The following VDAC1 variants were observed in gnomAD, a reference collection of about 807,000 sequenced individuals.
VDAC1 encodes non-selective voltage-gated ion channel VDAC1.
VDAC1 carries 10 observed loss-of-function variants against 34.7 expected under a neutral mutation model. The observed-to-expected ratio is 0.29, with a 90% CI of 0.18 to 0.49. The LOEUF is 0.49. Among genes scored for constraint, VDAC1 ranks in the 20% least tolerant of loss-of-function variants. The probability of loss-of-function intolerance (pLI) is 0.99; values close to 1 mark genes in which losing one functional copy is unlikely to be tolerated. For synonymous variants in VDAC1, 130 were observed against 136.0 expected, an observed-to-expected ratio of 0.96 and a Z score of 0.30; for missense variants, 230 against 347.9, an observed-to-expected ratio of 0.66 and a Z score of 2.69.
At chr5:134,002,315 T>A (rs1401869435) in intron 1 of VDAC1, among the ~76,000 whole-genome samples, 1 of 152,042 alleles carries the variant, frequency 6.6e-6, no homozygotes, top group African/African-American at 2.4e-5. Flanking sequence ...ATAGCCCCAC[T>A]CTAGAATAGC....
chr5:134,081,577 A>G, the VDAC1 span, among the ~76,000 whole-genome samples: 1 of 152,254 alleles, frequency 6.6e-6, no homozygotes, highest in South Asian at 2.1e-4. Context: ...CTGCTATACA[A>G]AACTCATCAA....
intron 1 of VDAC1, among the ~76,000 whole-genome samples, chr5:133,999,981 G>A (rs1020651286): frequency 3.3e-5 from 5 of 152,148 alleles, no homozygotes; most frequent in Non-Finnish European, 7.3e-5. Flanking sequence ...AGACCAGCCA[G>A]TGATCACAGA....
the VDAC1 span, among the ~76,000 whole-genome samples, chr5:134,020,228 G>C: frequency 2.0e-5 from 3 of 151,928 alleles, no homozygotes. Context: ...AGCATAGTCA[G>C]AGGCAGCAAC....
At chr5:134,026,339 C>A in the VDAC1 span, among the ~76,000 whole-genome samples, 1 of 152,040 alleles carries the variant, frequency 6.6e-6, no homozygotes, top group South Asian at 2.1e-4. Flanking sequence ...CACGGTGAAA[C>A]CCTGTCTCTA....
At chr5:134,063,637 G>A in the VDAC1 span, among the ~76,000 whole-genome samples, 1 of 152,120 alleles carries the variant, frequency 6.6e-6, no homozygotes, top group Non-Finnish European at 1.5e-5. Context: ...CTGACAGCCA[G>A]CACCAACTGC....
At chr5:134,072,366 G>T in the VDAC1 span, among the ~76,000 whole-genome samples, 1 of 152,198 alleles carries the variant, frequency 6.6e-6, no homozygotes, top group Non-Finnish European at 1.5e-5. Flanking sequence ...GCTCTCAGGA[G>T]CTCCAAAGGA....
At chr5:134,037,957 G>A in the VDAC1 span, among the ~76,000 whole-genome samples, 2 of 152,140 alleles carry the variant, frequency 1.3e-5, no homozygotes, top group African/African-American at 4.8e-5. Context: ...CCATAACTCT[G>A]TAATATCATT....
the VDAC1 span, among the ~76,000 whole-genome samples, chr5:134,056,534 G>A: frequency 1.3e-5 from 2 of 151,016 alleles, no homozygotes; most frequent in African/African-American, 4.9e-5. Flanking sequence ...TCACCTCCTG[G>A]GCTCAAGTGA....
At chr5:134,060,121 T>C in the VDAC1 span, among the ~76,000 whole-genome samples, 2 of 151,976 alleles carry the variant, frequency 1.3e-5, no homozygotes, top group East Asian at 3.9e-4. Context: ...CAGACTCTAA[T>C]GAGCACATGT....
the VDAC1 span, among the ~76,000 whole-genome samples, chr5:134,071,056 C>T: frequency 2.1e-4 from 32 of 152,330 alleles, no homozygotes; most frequent in East Asian, 6.2e-3. This position sits in a 1 kb window ranked among gnomAD's most constrained non-coding sequence, Gnocchi z 4.1. Context: ...TGACGTCCCA[C>T]CCTGAGTCCC....
rs937504967 is a variant in VDAC1 at position 134,004,949 on chromosome 5, G to C, written c.-61C>G. 6.6e-6 allele frequency: 1 copy of C among 152,318 alleles called. No homozygotes were observed. The highest frequency in any genetic ancestry group is 1.5e-5 in the Non-Finnish European group (1 of 68,148). The allele number at this position is 152,318 out of a possible 1,614,324, so 9.4% of individuals were successfully genotyped here. On this transcript the variant is annotated 5_prime_UTR_variant, in exon 1 of 9. Coordinates refer to ENST00000265333, the MANE Select transcript of VDAC1 (RefSeq NM_003374.3). ...ACACAGGAGCCTGCGGGCGTGTTGC[G>C]GGCGCGCGGGAGGACCTGCGTGAGT... is the stretch of plus-strand genomic sequence containing the variant.
chr5:134,042,631 C>A, the VDAC1 span, among the ~76,000 whole-genome samples: 6 of 152,276 alleles, frequency 3.9e-5, no homozygotes, highest in South Asian at 1.2e-3. Context: ...GTAGCTGGAA[C>A]TACAGGCATG....
chr5:134,083,193 T>C, the VDAC1 span, among the ~76,000 whole-genome samples: 2 of 149,680 alleles, frequency 1.3e-5, no homozygotes, highest in Admixed American at 1.3e-4. Context: ...TTTTTTTCTT[T>C]TTTTTTTTTT....
chr5:134,003,200 A>G (rs964388812), intron 1 of VDAC1, among the ~76,000 whole-genome samples: 9 of 152,212 alleles, frequency 5.9e-5, no homozygotes, highest in Admixed American at 1.3e-4. Flanking sequence ...CACTGAAGAC[A>G]AAGTAGCACA....
the VDAC1 span, among the ~76,000 whole-genome samples, chr5:134,094,229 C>G: frequency 6.6e-6 from 1 of 152,240 alleles, no homozygotes; most frequent in Non-Finnish European, 1.5e-5. Context: ...ATTCGCGTTC[C>G]AGGCAGCTCT....
upstream of VDAC1, among the ~76,000 whole-genome samples, chr5:134,007,485 A>T (rs999553988): frequency 6.6e-6 from 1 of 152,272 alleles, no homozygotes; most frequent in Admixed American, 6.5e-5. Flanking sequence ...TGAGATCTGC[A>T]GGTGCCATAA....
At chr5:134,045,810 G>A in the VDAC1 span, among the ~76,000 whole-genome samples, 863 of 150,698 alleles carry the variant, frequency 5.7e-3, 10 homozygotes, top group Non-Finnish European at 5.9e-3. Context: ...TCAGCCTCCC[G>A]AGTAGCTGGG....
At chr5:134,059,866 G>A in the VDAC1 span, among the ~76,000 whole-genome samples, 1 of 146,234 alleles carries the variant, frequency 6.8e-6, no homozygotes, top group Admixed American at 6.8e-5. Context: ...GGCTGAAGGT[G>A]ACGCAGAGAG....
chr5:134,024,814 ACCCACAC>A, the VDAC1 span, among the ~76,000 whole-genome samples: 4 of 152,300 alleles, frequency 2.6e-5, no homozygotes, highest in Admixed American at 2.0e-4. Context: ...TATAGCCCAG[ACCCACAC>A]TGGTAGTAAG....
Sources: allele counts gnomAD v4.1 joint callset (sites outside exome capture counted in the v4.1 genomes callset), GRCh38; gene constraint gnomAD v4.1.1; non-coding constraint Gnocchi (gnomAD v3.1); transcripts MANE v1.5; gene names NCBI Gene and HGNC (gene_info 2026-07-23, HGNC 2026-07-21).